TGFBR3: variants seen among roughly 807,000 people sequenced by gnomAD.
TGFBR3 encodes the protein transforming growth factor beta receptor type 3.
TGFBR3 carries 46 observed loss-of-function variants against 87.9 expected under a neutral mutation model. The ratio of observed to expected loss-of-function variants is 0.52; its 90% CI spans 0.41 to 0.67. The LOEUF (loss-of-function observed/expected upper bound fraction) is 0.67, where lower values mean the gene tolerates loss of function less well. Ranked by LOEUF, TGFBR3 falls within the 30% of genes least tolerant of loss-of-function variation. The pLI is 0.00. For synonymous variants in TGFBR3, 381 were observed against 391.6 expected (o/e 0.97, Z 0.32); for missense variants, 866 against 1,041.9 (o/e 0.83, Z 2.32).
upstream of TGFBR3, among the ~76,000 whole-genome samples, chr1:91,890,240 A>G (rs1212557019): frequency 6.6e-6 from 1 of 151,608 alleles, no homozygotes; most frequent in Non-Finnish European, 1.5e-5. Context: ...ACAAGGAACC[A>G]CCCCTCCTGT....
intron 2 of TGFBR3, among the ~76,000 whole-genome samples, chr1:91,840,432 T>C (rs1007264311): frequency 6.7e-6 from 1 of 148,944 alleles, no homozygotes; most frequent in Admixed American, 6.7e-5. Context: ...TGCATGATTT[T>C]GTAATATCAT....
At chr1:91,823,119 G>C (rs779633209) in intron 2 of TGFBR3, among the ~76,000 whole-genome samples, 3 of 152,072 alleles carry the variant, frequency 2.0e-5, no homozygotes, top group Non-Finnish European at 2.9e-5. Flanking sequence ...CAATCATCAA[G>C]GTGTTAAGGG....
intron 1 of TGFBR3, among the ~76,000 whole-genome samples, chr1:91,872,106 C>T (rs1213067289): frequency 6.6e-6 from 1 of 152,220 alleles, no homozygotes. Flanking sequence ...TGGCCAATAG[C>T]TTCCTCCTAA....
intron 2 of TGFBR3, among the ~76,000 whole-genome samples, chr1:91,849,365 C>A (rs1677630797): frequency 6.6e-6 from 1 of 152,010 alleles, no homozygotes; most frequent in Non-Finnish European, 1.5e-5. Context: ...CCCATTCCAG[C>A]AGGCACCTGG....
intron 2 of TGFBR3, among the ~76,000 whole-genome samples, chr1:91,857,640 A>G (rs982889015): frequency 6.6e-6 from 1 of 152,230 alleles, no homozygotes; most frequent in Admixed American, 6.5e-5. Context: ...AAGCAACTCA[A>G]AAGAAGGGAT....
chr1:91,844,763 T>C (rs531105425), intron 2 of TGFBR3, among the ~76,000 whole-genome samples: 2 of 152,300 alleles, frequency 1.3e-5, no homozygotes, highest in South Asian at 2.1e-4. Context: ...TTATACAGAA[T>C]TACCTCTCCA....
chr1:91,797,218 G>T lies in TGFBR3; in HGVS notation c.246+69C>A, dbSNP rs1000217231. 3.9e-6 allele frequency: 6 copies of T among 1,531,206 alleles called. No homozygotes were observed. In the South Asian group the frequency reaches 6.8e-5, roughly 17 times the overall value. The allele number at this position is 1,531,206 out of a possible 1,614,324, so 94.9% of individuals were successfully genotyped here. A position where few individuals can be genotyped will look rare whatever the true frequency, so the allele number is the denominator to read the frequency against. On this transcript the variant is annotated intron_variant, in intron 3 of 16. Coordinates refer to ENST00000212355, the MANE Select transcript of TGFBR3 (RefSeq NM_003243.5). The stretch of plus-strand genomic sequence containing the variant: ...GTTGAACCCCAGAAGAGAAGAAAAG[G>T]ACTTCTGTCCAGAAAATCATCTCTG...
chr1:91,766,511 A>T, intron 3 of TGFBR3: 1 of 75,240 alleles, frequency 1.3e-5, no homozygotes, highest in East Asian at 2.2e-4. Flanking sequence ...AGTGATCATT[A>T]GAAGCTGATT....
chr1:91,893,216 T>G (rs1385716976), intron 2 of TGFBR3, among the ~76,000 whole-genome samples: 1 of 152,188 alleles, frequency 6.6e-6, no homozygotes, highest in South Asian at 2.1e-4. Context: ...TGTCATAAAA[T>G]TACCTGCTGT....
chr1:91,691,498 T>G (rs1289284185), intron 16 of TGFBR3, among the ~76,000 whole-genome samples: 5 of 152,246 alleles, frequency 3.3e-5, no homozygotes, highest in Non-Finnish European at 7.3e-5. Flanking sequence ...AAAGTGTCTA[T>G]AATCTAACAT....
upstream of TGFBR3, among the ~76,000 whole-genome samples, chr1:91,890,409 C>CTTTTTTTTTT (rs1175619952): frequency 1.8e-3 from 106 of 60,382 alleles, 16 homozygotes; most frequent in African/African-American, 5.3e-3. Flanking sequence ...TCTCTATAAT[C>CTTTTTTTTTT]TTTTTTTTTT....
intron 3 of TGFBR3, among the ~76,000 whole-genome samples, chr1:91,787,713 G>A (rs888917973): frequency 2.6e-5 from 4 of 152,186 alleles, no homozygotes; most frequent in African/African-American, 9.7e-5. Context: ...ACTGGCTCAC[G>A]CCTGTAAGCT....
intron 12 of TGFBR3, among the ~76,000 whole-genome samples, chr1:91,715,114 T>C (rs928146472): frequency 1.3e-5 from 2 of 152,160 alleles, no homozygotes; most frequent in Non-Finnish European, 2.9e-5. Context: ...AACCAGCTCA[T>C]TAGATGAGGA....
At chr1:91,763,753 C>T (rs1412700112) in intron 3 of TGFBR3, among the ~76,000 whole-genome samples, 2 of 152,142 alleles carry the variant, frequency 1.3e-5, no homozygotes, top group Non-Finnish European at 2.9e-5. Context: ...GACATTTGGG[C>T]AATATGACTT....
chr1:91,841,971 T>C (rs1231216222), intron 2 of TGFBR3, among the ~76,000 whole-genome samples: 1 of 151,516 alleles, frequency 6.6e-6, no homozygotes, highest in East Asian at 1.9e-4. Flanking sequence ...CATGGTGGTG[T>C]GCACCTGTGG....
intron 10 of TGFBR3, among the ~76,000 whole-genome samples, chr1:91,718,368 C>T (rs1672247624): frequency 6.6e-6 from 1 of 152,064 alleles, no homozygotes; most frequent in African/African-American, 2.4e-5. Context: ...GACCAGAGCA[C>T]CTGATTGCTA....
At chr1:91,887,233 T>C (rs1464533631), upstream of TGFBR3, among the ~76,000 whole-genome samples, 2 of 130,520 alleles carry the variant, frequency 1.5e-5, no homozygotes, top group Non-Finnish European at 3.2e-5. Context: ...TATGGACCTA[T>C]GCCTTTTTTT....
intron 2 of TGFBR3, among the ~76,000 whole-genome samples, chr1:91,857,775 C>T (rs186046867): frequency 6.6e-6 from 1 of 151,826 alleles, no homozygotes; most frequent in Admixed American, 6.5e-5. Flanking sequence ...CCCATCTCTC[C>T]AAAAATAAAA....
intron 16 of TGFBR3, among the ~76,000 whole-genome samples, chr1:91,685,161 C>A (rs1182572341): frequency 6.6e-6 from 1 of 152,166 alleles, no homozygotes; most frequent in Non-Finnish European, 1.5e-5. Context: ...ATGAACCACA[C>A]AGCTATACAC....
Sources: allele counts gnomAD v4.1 joint callset (sites outside exome capture counted in the v4.1 genomes callset), GRCh38; gene constraint gnomAD v4.1.1; transcripts MANE v1.5; gene names NCBI Gene and HGNC (gene_info 2026-07-23, HGNC 2026-07-21).